TTN: variants seen among roughly 807,000 people sequenced by gnomAD.
TTN encodes titin, also known as connectin.
Under a neutral mutation model 3,223.0 loss-of-function variants are expected in TTN, and 1,525 were observed. That is an observed-to-expected ratio of 0.47 (90% CI 0.45 to 0.49). The LOEUF (loss-of-function observed/expected upper bound fraction) is 0.49. Among genes scored for constraint, TTN ranks in the 20% least tolerant of loss-of-function variants. The pLI is 0.00. For synonymous variants in TTN, 14,094 were observed against 15,161.0 expected, an observed-to-expected ratio of 0.93 and a Z score of 5.17; for missense variants, 40,786 against 43,424.0, an observed-to-expected ratio of 0.94 and a Z score of 5.40.
Position 178,714,148 on chromosome 2 carries a change from T to G in TTN, c.26510A>C (p.Glu8837Ala). The change falls in exon 92 of 363, where the codon GAA becomes GCA. Residue 8837 changes from glutamate to alanine, a missense_variant. By Grantham distance (107) the Glu-to-Ala change is moderately radical (BLOSUM62 -1). Transcript: ENST00000589042. ...GTCTCCCGTGGTAACTTTTATGGATTCTGGCTTTTCTACAATTGTTGCAGG... is the reference window on the plus strand; with the variant it reads ...GTCTCCCGTGGTAACTTTTATGGATGCTGGCTTTTCTACAATTGTTGCAGG... ...LEPATIVEKP[E>A]SIKVTTGDTC... 6.2e-7 allele frequency: 1 copy of G among 1,611,870 alleles called. No individual in the cohort carries two copies. The highest frequency in any genetic ancestry group is 8.5e-7 in the Non-Finnish European group (1 of 1,179,028).
chr2:178,752,056 A>C (rs1473385265), intron 47 of TTN: 8 of 1,578,196 alleles, frequency 5.1e-6, no homozygotes, highest in African/African-American at 1.4e-5. Context: ...AAAAAAAAAA[A>C]AACCTTTACT....
At chr2:178,610,875 A>G in intron 270 of TTN, 118 bp downstream of exon 270, 4 of 1,242,184 alleles carry the variant, frequency 3.2e-6, no homozygotes, top group Non-Finnish European at 4.5e-6. Flanking sequence ...ATCAGAAGTG[A>G]CATTTAGTTT....
intron 47 of TTN, chr2:178,751,673 C>G: frequency 6.2e-7 from 1 of 1,613,328 alleles, no homozygotes; most frequent in South Asian, 1.1e-5. Flanking sequence ...CCTATAACTT[C>G]CAGAATCTCT....
Position 178,575,519 on chromosome 2 carries a change from C to CTGTCTG in TTN, c.70607_70612dup (p.Asp23537_Ser23538insThrAsp). On this transcript the variant is annotated inframe_insertion, in exon 326 of 363. Coordinates refer to ENST00000589042, the MANE Select transcript of TTN (RefSeq NM_001267550.2). This position sits in a 1 kb window ranked among gnomAD's most constrained non-coding sequence, Gnocchi z 4.0. ...CTTAGTTATGTCCATGATGTTAAGG[C>CTGTCTG]TGTCTGGTGGAGATGGTGCTTCAGA... 6.2e-7 allele frequency: 1 copy of CTGTCTG among 1,613,654 alleles called. No homozygotes were observed. Among genetic ancestry groups the CTGTCTG allele is most frequent in the Non-Finnish European group, 8.5e-7 (1 of 1,179,678 alleles).
intron 44 of TTN, 58 bp downstream of exon 44, chr2:178,758,926 G>T: frequency 6.7e-7 from 1 of 1,495,922 alleles, no homozygotes; most frequent in Non-Finnish European, 9.3e-7. Flanking sequence ...AATTGTTACA[G>T]ACATTGTTAA....
chr2:178,545,868 G>A lies in TTN; in HGVS notation c.95368C>T (p.Pro31790Ser), dbSNP rs1235693684. The change falls in exon 343 of 363, where the codon CCT (proline) becomes TCT (serine). Residue 31790 changes from proline to serine, a missense_variant. Coordinates refer to ENST00000589042, the MANE Select transcript of TTN (RefSeq NM_001267550.2). The part of the protein sequence containing the change: ...FRVRAVNKYG[P>S]GVPVESEPIV... ...GGCTCTGATTCAACAGGCACACCAG[G>A]GCCATATTTGTTTACTGCCCTCACT... 2 of 1,613,682 alleles carry A rather than the reference G, an allele frequency of 1.2e-6. No homozygotes were observed. Among genetic ancestry groups the A allele is most frequent in the African/African-American group, 1.3e-5 (1 of 74,900 alleles).
intron 47 of TTN, chr2:178,751,801 T>G (rs779930160): frequency 1.2e-6 from 2 of 1,613,044 alleles, no homozygotes; most frequent in Non-Finnish European, 1.7e-6. Flanking sequence ...AAGTCATTTC[T>G]GGAGTTGGAC....
chr2:178,785,718 T>A lies in TTN; in HGVS notation c.2395A>T (p.Thr799Ser). 1 of 1,614,182 alleles carries A rather than the reference T, an allele frequency of 6.2e-7. No individual in the cohort carries two copies. The highest frequency in any genetic ancestry group is 8.5e-7 in the Non-Finnish European group (1 of 1,180,012). The change falls in exon 15 of 363, where the codon ACG becomes TCG. Residue 799 changes from threonine (T) to serine (S), a missense_variant. Physicochemically the swap from Thr to Ser is moderately conservative, Grantham distance 58. Coordinates refer to ENST00000589042, the MANE Select transcript of TTN (RefSeq NM_001267550.2). ...TTATCCACATGGACTAATCTTTCCG[T>A]TGTTAGATCTGTAGTTTTCTTGATC... ...SQIKKTTDLT[T>S]ERLVHVDKRP...
Position 178,651,979 on chromosome 2 carries a change from T to G in TTN, c.39296-12A>C, listed in dbSNP as rs780143943. ...AGGCTCCTCGAACACTTTAAAGACA[T>G]GAGCTCATTTTAATGCCAGAATTGA... is the stretch of plus-strand genomic sequence containing the variant. On this transcript the variant is annotated splice_polypyrimidine_tract_variant and intron_variant, in intron 204 of 362. Transcript: ENST00000589042. 10 of 1,610,852 alleles carry G rather than the reference T, an allele frequency of 6.2e-6. 1 individual carries two copies. In the South Asian group the frequency reaches 1.1e-4, roughly 18 times the overall value.
intron 13 of TTN, among the ~76,000 whole-genome samples, chr2:178,788,068 C>A (rs1333282054): frequency 1.3e-5 from 2 of 152,040 alleles, no homozygotes; most frequent in Non-Finnish European, 2.9e-5. Context: ...TTTTATTGAT[C>A]AGTTAAACAA....
Position 178,653,024 on chromosome 2 carries a change from A to C in TTN, c.38875+17T>G. On this transcript the variant is annotated intron_variant, in intron 199 of 362. Transcript: ENST00000589042. ...GAAGAGTTCAGTCTTCTGAAGCCTA[A>C]AGCCAGTGACAAATACCTTTAACAG... 1 of 1,612,652 alleles carries C rather than the reference A, an allele frequency of 6.2e-7. No homozygotes were observed. The highest frequency in any genetic ancestry group is 8.5e-7 in the Non-Finnish European group (1 of 1,179,344).
Position 178,546,745 on chromosome 2 carries a change from G to A in TTN, c.94683C>T (p.Tyr31561=). The change falls in exon 341 of 363, where the codon TAC becomes TAT. Residue 31561 remains tyrosine (Y), a synonymous_variant. Coordinates refer to ENST00000589042, the MANE Select transcript of TTN (RefSeq NM_001267550.2). ...TGAAGAAATTGTCAGATACAATGGT[G>A]TAGTTGCACTTCAGCCAGCGACCAT... ...VGDGRWLKCN[Y]TIVSDNFFTV... is the part of the protein sequence containing the mutation. 1 of 1,613,760 alleles carries A rather than the reference G, an allele frequency of 6.2e-7. No individual in the cohort carries two copies. The highest frequency in any genetic ancestry group is 8.5e-7 in the Non-Finnish European group (1 of 1,179,748).
At chr2:178,661,677 AAT>A (rs903440043) in intron 180 of TTN, 80 bp downstream of exon 180, 1,012 of 719,942 alleles carry the variant, frequency 1.4e-3, no homozygotes, top group Middle Eastern at 3.7e-3. Flanking sequence ...GTATAATAAA[AAT>A]ATATATATAT....
chr2:178,594,765 T>C, intron 295 of TTN, 119 bp from the exon 296 acceptor site: 3 of 784,308 alleles, frequency 3.8e-6, no homozygotes, highest in Non-Finnish European at 5.9e-6. Context: ...TCTGCTCCCA[T>C]AAATAGCAAA....
At chr2:178,679,568 C>T (rs747657326) in intron 141 of TTN, 31 bp downstream of exon 141, 1 of 1,603,784 alleles carries the variant, frequency 6.2e-7, no homozygotes, top group Non-Finnish European at 8.5e-7. Context: ...GATGAAGTCT[C>T]TTAGATACCC....
chr2:178,543,751 A>G (rs1402719456), intron 346 of TTN, 83 bp downstream of exon 346: 5 of 1,550,628 alleles, frequency 3.2e-6, no homozygotes, highest in Non-Finnish European at 4.4e-6. Flanking sequence ...GTTCCTTTCT[A>G]GAGAGGTGAT....
intron 294 of TTN, 144 bp from the exon 295 acceptor site, chr2:178,595,953 G>T: frequency 1.5e-6 from 1 of 680,272 alleles, no homozygotes; most frequent in Non-Finnish European, 2.3e-6. Flanking sequence ...TTTTCCTTCT[G>T]CTATCTAGTC....
Position 178,621,008 on chromosome 2 carries a change from C to A in TTN, c.45617-15G>T, listed in dbSNP as rs746288149. The stretch of plus-strand genomic sequence containing the variant: ...CCTGAGTTTTTCTGAAAGCAACCGA[C>A]AAGACTTTATAGTATGAATAATGAT... On this transcript the variant is annotated splice_polypyrimidine_tract_variant and intron_variant, in intron 246 of 362. Coordinates refer to ENST00000589042, the MANE Select transcript of TTN (RefSeq NM_001267550.2). The A allele has an allele frequency of 6.2e-7, 1 of 1,607,808 alleles. No homozygotes were observed. The highest frequency in any genetic ancestry group is 2.2e-5 in the East Asian group (1 of 44,592).
At position 178,741,477 on chromosome 2, in the gene TTN, G is replaced by A. The variant is rs727503661; in HGVS notation, c.11756C>T (p.Thr3919Ile). Residue 3919 changes from threonine (T) to isoleucine (I), a missense_variant, in exon 48 of 363, where the codon ACT becomes ATT. Physicochemically the swap from Thr to Ile is moderately conservative, Grantham distance 89. Transcript: ENST00000589042. ...TTTTGCCACTGCTGATTCTGTTTCA[G>A]TGTCTTTGTGACCCTCTCCTTTGGA... ...INSKGEGHKDTETESAVAKSL... is the reference protein window; with the variant it reads ...INSKGEGHKDIETESAVAKSL... The A allele has an allele frequency of 3.7e-6, 6 of 1,613,752 alleles. No individual in the cohort carries two copies. In the Admixed American group the frequency reaches 6.7e-5, roughly 18 times the overall value.
Sources: gnomAD v4.1 joint callset for allele counts (sites outside exome capture counted in the v4.1 genomes callset) on GRCh38, gnomAD v4.1.1 for gene constraint, Gnocchi (gnomAD v3.1) non-coding constraint, MANE v1.5 for transcripts, NCBI Gene and HGNC (gene_info 2026-07-23, HGNC 2026-07-21) for gene names.